Variants in KLK10 observed in about 807,000 individuals in gnomAD.
The protein encoded by KLK10 is kallikrein-10.
A neutral mutation model predicts 25.7 loss-of-function variants in KLK10; 27 were observed. That is an observed-to-expected ratio of 1.05 (90% CI 0.77 to 1.45). KLK10 has a LOEUF of 1.45. Ranked by LOEUF, KLK10 falls within the 40% of genes most tolerant of loss-of-function variation. The probability of loss-of-function intolerance (pLI) is 0.00; values close to 1 mark genes in which losing one functional copy is unlikely to be tolerated. For synonymous variants in KLK10, 173 were observed against 160.1 expected, an observed-to-expected ratio of 1.08 and a Z score of -0.61; for missense variants, 386 against 370.0, an observed-to-expected ratio of 1.04 and a Z score of -0.35.
chr19:51,014,680 A>C lies in KLK10; in HGVS notation c.*120T>G. On this transcript the variant is annotated 3_prime_UTR_variant, in exon 6 of 6. Transcript: ENST00000358789. ...GGTGTGGAGGGCGGCAGAGGTTTGAACAGTGCAGACAAGGGGAGAGTTCAG... is the reference window on the plus strand; with the variant it reads ...GGTGTGGAGGGCGGCAGAGGTTTGACCAGTGCAGACAAGGGGAGAGTTCAG... 1 of 979,530 alleles carries C rather than the reference A, an allele frequency of 1.0e-6. No individual in the cohort carries two copies. The highest frequency in any genetic ancestry group is 1.6e-6 in the Non-Finnish European group (1 of 637,704). 60.7% of individuals were successfully genotyped at this position (979,530 alleles called of 1,614,324 possible).
intron 2 of KLK10, 69 bp downstream of exon 2, chr19:51,018,974 G>C (rs2091372989): frequency 2.6e-6 from 3 of 1,169,316 alleles, no homozygotes; most frequent in Non-Finnish European, 3.7e-6. Flanking sequence ...GCTTGGTGAC[G>C]GGAACACATT....
rs2091298341 is a variant in KLK10 at position 51,014,614 on chromosome 19, G to A, written c.*186C>T. 3.7e-6 allele frequency: 2 copies of A among 534,412 alleles called. No individual in the cohort carries two copies. Among genetic ancestry groups the A allele is most frequent in the East Asian group, 6.2e-5 (2 of 32,072 alleles). The allele number at this position is 534,412 out of a possible 1,614,324, so 33.1% of individuals were successfully genotyped here. On this transcript the variant is annotated 3_prime_UTR_variant, in exon 6 of 6. Coordinates refer to ENST00000358789, the MANE Select transcript of KLK10 (RefSeq NM_145888.3). ...TCAGCTTCAGTACAGGCAGAGAATG[G>A]GGATAGGTGGGGGAATGAGGTGAGA...
chr19:51,013,515 C>A lies in KLK10; in HGVS notation c.*1285G>T, dbSNP rs7252982. ...TCTTGGCTCACTGCAACCTCTGCCC[C>A]CCGGGTTCAAGTGATTCTTCTGCCT... On this transcript the variant is annotated 3_prime_UTR_variant, in exon 6 of 6. Coordinates refer to ENST00000358789, the MANE Select transcript of KLK10 (RefSeq NM_145888.3). 0.2 allele frequency: 29,719 copies of A among 152,338 alleles called. 3,093 individuals are homozygous for A. Among genetic ancestry groups the A allele is most frequent in the Non-Finnish European group, 0.23 (15,958 of 68,022 alleles). 9.4% of individuals were successfully genotyped at this position (152,338 alleles called of 1,614,324 possible).
chr19:51,016,090 G>C lies in KLK10; in HGVS notation c.336C>G (p.Thr112=), dbSNP rs1061368. The C allele has an allele frequency of 0.34, 528,925 of 1,575,702 alleles. 90,498 individuals carry two copies. Among genetic ancestry groups the C allele is most frequent in the Admixed American group, 0.44 (23,974 of 53,976 alleles). The change falls in exon 4 of 6, where the codon ACC becomes ACG. Residue 112 remains threonine (T), a synonymous_variant. Coordinates refer to ENST00000358789, the MANE Select transcript of KLK10 (RefSeq NM_145888.3). The stretch of plus-strand genomic sequence containing the variant: ...ACTTGGGATGGACAACAGAGCGAGT[G>C]GTCCGGCGGAGCTGCTCTCCCTGAA... ...LLLQGEQLRR[T]TRSVVHPKYH... is the part of the protein sequence containing the mutation.
chr19:51,014,995 T>C, intron 5 of KLK10, 43 bp from the exon 6 acceptor site: 2 of 1,582,442 alleles, frequency 1.3e-6, no homozygotes, highest in South Asian at 2.2e-5. Context: ...TGTGCCAACG[T>C]GAGAGCTGTC....
rs568264006 is a variant in KLK10, at chr19:51,017,393, C to G, written c.89-103G>C. 3.8e-6 allele frequency: 4 copies of G among 1,056,178 alleles called. No homozygotes were observed. In the East Asian group the frequency reaches 1.1e-4, roughly 28 times the overall value. 65.4% of individuals were successfully genotyped at this position (1,056,178 alleles called of 1,614,324 possible). A position where few individuals can be genotyped will look rare whatever the true frequency, so the allele number is the denominator to read the frequency against. On this transcript the variant is annotated intron_variant, in intron 2 of 5. Transcript: ENST00000358789. ...GGACTGCGTTCGGGGACGGGGGACG[C>G]AGCCAGAACGCGAGGGTGGTAGGGA...
Position 51,016,289 on chromosome 19 carries a change from G to A in KLK10, c.270-133C>T. ...CTTGTGGGAGAAGGGGACCTCAGTGGACATGGGGAGGAGGAATCAGTTGTT... is the reference window on the plus strand; with the variant it reads ...CTTGTGGGAGAAGGGGACCTCAGTGAACATGGGGAGGAGGAATCAGTTGTT... On this transcript the variant is annotated intron_variant, in intron 3 of 5. Transcript: ENST00000358789. The A allele has an allele frequency of 3.0e-6, 3 of 999,824 alleles. No individual in the cohort carries two copies. In the South Asian group the frequency reaches 5.6e-5, roughly 19 times the overall value. 61.9% of individuals were successfully genotyped at this position (999,824 alleles called of 1,614,324 possible). A position where few individuals can be genotyped will look rare whatever the true frequency, so the allele number is the denominator to read the frequency against.
intron 3 of KLK10, among the ~76,000 whole-genome samples, chr19:51,016,562 CT>C (rs549681904): frequency 0.083 from 11,639 of 139,478 alleles, 491 homozygotes; most frequent in African/African-American, 0.11. Flanking sequence ...CACACCCAGC[CT>C]TTTTTTTTTT....
chr19:51,017,227 G>T lies in KLK10; in HGVS notation c.152C>A (p.Pro51Gln), dbSNP rs765097088. 2 of 1,612,420 alleles carry T rather than the reference G, an allele frequency of 1.2e-6. No individual in the cohort carries two copies. Among genetic ancestry groups the T allele is most frequent in the Admixed American group, 3.3e-5 (2 of 59,862 alleles). Residue 51 changes from proline (P) to glutamine (Q), a missense_variant, in exon 3 of 6, where the codon CCG becomes CAG. By Grantham distance (76) the Pro-to-Gln change is moderately conservative. Coordinates refer to ENST00000358789, the MANE Select transcript of KLK10 (RefSeq NM_145888.3). Reference protein sequence around the residue: ...TRLDPEAYGSPCARGSQPWQV... With the variant: ...TRLDPEAYGSQCARGSQPWQV... The stretch of plus-strand genomic sequence containing the variant: ...CCAGGGCTGCGAGCCGCGCGCGCAC[G>T]GGGAGCCATAGGCTTCGGGGTCCAA...
chr19:51,016,916 C>T (rs2091335631), intron 3 of KLK10, among the ~76,000 whole-genome samples, 194 bp downstream of exon 3: 1 of 152,154 alleles, frequency 6.6e-6, no homozygotes, highest in Admixed American at 6.5e-5. Flanking sequence ...GAGTGACGGG[C>T]CCAGAAATGC....
At chr19:51,016,345 G>A (rs1380971042) in intron 3 of KLK10, among the ~76,000 whole-genome samples, 189 bp from the exon 4 acceptor site, 6 of 152,032 alleles carry the variant, frequency 3.9e-5, no homozygotes, top group African/African-American at 7.3e-5. Context: ...GAATTGAGGA[G>A]GGCTGGGGGC....
At chr19:51,017,986 G>T (rs1183129076) in intron 2 of KLK10, among the ~76,000 whole-genome samples, 3 of 119,548 alleles carry the variant, frequency 2.5e-5, no homozygotes, top group Non-Finnish European at 4.9e-5. Flanking sequence ...GGGCGACAGA[G>T]TGAGACCCTG....
Position 51,019,057 on chromosome 19 carries a change from A to T in KLK10, c.74T>A (p.Met25Lys). Residue 25 changes from methionine (M) to lysine (K), a missense_variant, in exon 2 of 6, where the codon ATG becomes AAG. Coordinates refer to ENST00000358789, the MANE Select transcript of KLK10 (RefSeq NM_145888.3). The surrounding 1 kb of genome is among the most constrained non-coding windows in gnomAD (Gnocchi z 4.2). ...RALAKLLPLL[M>K]AQLWAAEAAL... is the part of the protein sequence containing the mutation. ...CCCGACCTTACCCCAGAGTTGCGCC[A>T]TCAGCAGCGGCAGCAGCTTCGCCAG... 6.2e-7 allele frequency: 1 copy of T among 1,604,078 alleles called. No individual in the cohort carries two copies. The highest frequency in any genetic ancestry group is 8.5e-7 in the Non-Finnish European group (1 of 1,178,684).
intron 3 of KLK10, among the ~76,000 whole-genome samples, chr19:51,016,476 C>A (rs2091330125): frequency 6.6e-6 from 1 of 151,984 alleles, no homozygotes; most frequent in Non-Finnish European, 1.5e-5. Context: ...TCACTGCAAC[C>A]TCCACCTCCC....
At chr19:51,016,248 T>A (rs1425895800) in intron 3 of KLK10, 92 bp from the exon 4 acceptor site, 1 of 1,383,592 alleles carries the variant, frequency 7.2e-7, no homozygotes, top group African/African-American at 1.5e-5. Flanking sequence ...ATAGGAAGAG[T>A]CTGAGGGAAG....
At chr19:51,015,385 G>A in intron 5 of KLK10, 32 bp downstream of exon 5, 2 of 1,601,786 alleles carry the variant, frequency 1.2e-6, no homozygotes, top group Non-Finnish European at 1.7e-6. Flanking sequence ...CTCCCTCCCA[G>A]GAGTCAGAGA....
intron 3 of KLK10, 119 bp downstream of exon 3, chr19:51,016,991 G>A (rs970246015): frequency 9.6e-7 from 1 of 1,046,468 alleles, no homozygotes; most frequent in Middle Eastern, 3.2e-4. Context: ...CTGCTGGAAG[G>A]ACACCGGGGA....
intron 4 of KLK10, 67 bp downstream of exon 4, chr19:51,015,815 A>G: frequency 7.1e-7 from 1 of 1,407,674 alleles, no homozygotes; most frequent in Non-Finnish European, 9.4e-7. Context: ...ATCCTTCCTC[A>G]GACCCAGGGG....
chr19:51,018,944 G>A, intron 2 of KLK10, 99 bp downstream of exon 2: 1 of 910,674 alleles, frequency 1.1e-6, no homozygotes, highest in Non-Finnish European at 1.7e-6. Context: ...TGGGGTCTCG[G>A]GGGAGGAGAG....
Sources: gnomAD v4.1 joint callset for allele counts (sites outside exome capture counted in the v4.1 genomes callset) on GRCh38, gnomAD v4.1.1 for gene constraint, Gnocchi (gnomAD v3.1) non-coding constraint, MANE v1.5 for transcripts, NCBI Gene and HGNC (gene_info 2026-07-23, HGNC 2026-07-21) for gene names.